TBC1D22A: variants seen among roughly 807,000 people sequenced by gnomAD.
TBC1D22A encodes TBC1 domain family member 22A.
TBC1D22A carries 38 observed loss-of-function variants against 60.2 expected under a neutral mutation model. That is an observed-to-expected ratio of 0.63 (90% confidence interval 0.49 to 0.83). The LOEUF (loss-of-function observed/expected upper bound fraction) is 0.83. TBC1D22A is among the 40% of genes least tolerant of loss of function. The pLI is 0.00. For synonymous variants in TBC1D22A, 302 were observed against 281.7 expected (o/e 1.07, Z -0.72); for missense variants, 628 against 701.0 (o/e 0.90, Z 1.18).
chr22:46,916,181 C>A (rs1389850941), intron 8 of TBC1D22A: 4 of 343,670 alleles, frequency 1.2e-5, no homozygotes, highest in Middle Eastern at 2.2e-3. Context: ...CACACAGGAC[C>A]TGGTCTGAAG....
chr22:47,020,384 A>G (rs1043938125), intron 10 of TBC1D22A, among the ~76,000 whole-genome samples: 2 of 152,208 alleles, frequency 1.3e-5, no homozygotes, highest in African/African-American at 2.4e-5. Flanking sequence ...TGCGTCTTCA[A>G]CCTCGCTGTA....
chr22:46,843,553 C>T (rs149910451), intron 4 of TBC1D22A, among the ~76,000 whole-genome samples: 14 of 152,118 alleles, frequency 9.2e-5, no homozygotes, highest in South Asian at 2.1e-4. Flanking sequence ...TTTTGGGTGA[C>T]GCCTTTACAC....
intron 8 of TBC1D22A, among the ~76,000 whole-genome samples, chr22:46,964,254 T>C (rs2073688591): frequency 6.6e-6 from 1 of 152,150 alleles, no homozygotes; most frequent in South Asian, 2.1e-4. Context: ...GCAAATGATA[T>C]AGGTATCTGT....
intron 12 of TBC1D22A, among the ~76,000 whole-genome samples, chr22:47,114,124 G>C (rs1412314934): frequency 6.6e-6 from 1 of 152,220 alleles, no homozygotes; most frequent in Non-Finnish European, 1.5e-5. Context: ...TTGCTCTGCT[G>C]CTATTAGAGG....
intron 11 of TBC1D22A, among the ~76,000 whole-genome samples, chr22:47,085,892 C>G (rs1240334474): frequency 3.9e-5 from 6 of 152,218 alleles, no homozygotes; most frequent in Non-Finnish European, 7.3e-5. Flanking sequence ...CATCTACATT[C>G]ATGCACACAG....
At chr22:47,106,997 A>G (rs1412015483) in intron 11 of TBC1D22A, among the ~76,000 whole-genome samples, 7 of 152,238 alleles carry the variant, frequency 4.6e-5, no homozygotes, top group Admixed American at 2.6e-4. Flanking sequence ...CCATGAGTAC[A>G]TAGCTAGGGA....
intron 7 of TBC1D22A, among the ~76,000 whole-genome samples, chr22:46,901,837 AT>A (rs1395367463): frequency 6.6e-6 from 1 of 152,126 alleles, no homozygotes; most frequent in Non-Finnish European, 1.5e-5. Flanking sequence ...AGAATTCTCT[AT>A]TTTGCTCCTC....
chr22:47,049,790 T>C (rs781345137), intron 11 of TBC1D22A, among the ~76,000 whole-genome samples: 4 of 152,214 alleles, frequency 2.6e-5, no homozygotes, highest in Non-Finnish European at 4.4e-5. Context: ...TACTTAAATG[T>C]GGTGCGTGAT....
intron 12 of TBC1D22A, among the ~76,000 whole-genome samples, chr22:47,142,499 C>G (rs1180729610): frequency 1.3e-5 from 1 of 75,178 alleles, no homozygotes; most frequent in Non-Finnish European, 2.6e-5. Context: ...ATCCCTTCAC[C>G]CACTATGCAT....
chr22:47,070,022 TG>T (rs2147504201), intron 11 of TBC1D22A, among the ~76,000 whole-genome samples: 1 of 139,092 alleles, frequency 7.2e-6, no homozygotes, highest in Non-Finnish European at 1.5e-5. Flanking sequence ...CCCTGTTGTT[TG>T]GTTGGAGCGG....
intron 7 of TBC1D22A, among the ~76,000 whole-genome samples, chr22:46,902,552 T>C (rs893189635): frequency 6.6e-5 from 10 of 152,370 alleles, no homozygotes; most frequent in African/African-American, 2.4e-4. Flanking sequence ...TGCTAGATAA[T>C]ATCACCACTT....
At chr22:47,146,534 G>A (rs969861517) in intron 12 of TBC1D22A, among the ~76,000 whole-genome samples, 1 of 152,220 alleles carries the variant, frequency 6.6e-6, no homozygotes, top group African/African-American at 2.4e-5. Context: ...ACCACCCATG[G>A]CACAACTCAA....
chr22:47,022,319 GC>G (rs2062117934), intron 10 of TBC1D22A, among the ~76,000 whole-genome samples: 1 of 152,222 alleles, frequency 6.6e-6, no homozygotes, highest in Admixed American at 6.5e-5. Context: ...AGGCAGCCGG[GC>G]CATCCCTGGG....
At chr22:46,841,092 AAGAG>A (rs1306025613) in intron 4 of TBC1D22A, among the ~76,000 whole-genome samples, 47 of 132,790 alleles carry the variant, frequency 3.5e-4, no homozygotes, top group African/African-American at 1.3e-3. Context: ...GAGAGAGAGA[AAGAG>A]AGAGAGAGAA....
At chr22:46,941,059 G>C (rs1255588749) in intron 8 of TBC1D22A, among the ~76,000 whole-genome samples, 1 of 127,006 alleles carries the variant, frequency 7.9e-6, no homozygotes, top group Non-Finnish European at 1.6e-5. Flanking sequence ...ACATATATAT[G>C]TATATACATA....
At chr22:47,097,509 G>C (rs919147847) in intron 11 of TBC1D22A, among the ~76,000 whole-genome samples, 1 of 152,060 alleles carries the variant, frequency 6.6e-6, no homozygotes, top group African/African-American at 2.4e-5. Context: ...AGCTACTTGG[G>C]AGGCTGAGAC....
chr22:46,932,256 A>T lies in TBC1D22A; in HGVS notation c.1015+20068A>T, dbSNP rs550325774. Among the ~76,000 whole-genome samples the T allele has an allele frequency of 2.0e-5, 3 of 151,622 alleles. No homozygotes were observed. The South Asian group carries it at 6.3e-4, about 32-fold the overall frequency. Reference sequence around the variant, plus strand: ...GACACCACCATACATGACTGTTGTGACTCCCCCAGGTTGCCCGTCAAGGCC... The same window carrying T: ...GACACCACCATACATGACTGTTGTGTCTCCCCCAGGTTGCCCGTCAAGGCC... On this transcript the variant is annotated intron_variant, in intron 8 of 12. Coordinates refer to ENST00000337137, the MANE Select transcript of TBC1D22A (RefSeq NM_014346.5).
intron 4 of TBC1D22A, among the ~76,000 whole-genome samples, chr22:46,806,014 G>A (rs1440709288): frequency 1.3e-5 from 2 of 151,684 alleles, no homozygotes; most frequent in East Asian, 3.9e-4. Context: ...CACCACACCC[G>A]GCTAAGTTTT....
intron 10 of TBC1D22A, among the ~76,000 whole-genome samples, chr22:47,029,320 G>A (rs1047757144): frequency 6.6e-6 from 1 of 151,576 alleles, no homozygotes; most frequent in African/African-American, 2.4e-5. Context: ...CGGGAACACA[G>A]CGCTTCCATA....
Sources: gnomAD v4.1 joint callset for allele counts (sites outside exome capture counted in the v4.1 genomes callset) on GRCh38, gnomAD v4.1.1 for gene constraint, MANE v1.5 for transcripts, NCBI Gene and HGNC (gene_info 2026-07-23, HGNC 2026-07-21) for gene names.